The following LRP1 variants were observed in gnomAD, a reference collection of about 807,000 sequenced individuals.
The protein encoded by LRP1 is LDL receptor related protein 1.
In LRP1, 51 loss-of-function variants were observed where a neutral mutation model predicts 541.5. That is an observed-to-expected ratio of 0.09 (90% CI 0.08 to 0.12). LRP1 has a LOEUF of 0.12. Ranked by LOEUF, LRP1 falls within the 10% of genes least tolerant of loss-of-function variation. LRP1 has a pLI of 1.00. For synonymous variants in LRP1, 2,219 were observed against 2,470.8 expected (o/e 0.90, Z 3.02); for missense variants, 3,878 against 6,376.2 (o/e 0.61, Z 13.34).
At chr12:57,134,166 A>G (rs1409277910) in intron 1 of LRP1, among the ~76,000 whole-genome samples, 4 of 152,164 alleles carry the variant, frequency 2.6e-5, no homozygotes, top group Non-Finnish European at 4.4e-5. Context: ...CCAAGTTAGC[A>G]TGGCAGTCAC....
At chr12:57,172,430 A>G (rs1254468813) in intron 20 of LRP1, among the ~76,000 whole-genome samples, 1 of 151,972 alleles carries the variant, frequency 6.6e-6, no homozygotes, top group African/African-American at 2.4e-5. Context: ...TGGCATCCCA[A>G]AGTGCTGGGA....
chr12:57,195,630 G>A, intron 52 of LRP1, 28 bp from the exon 53 acceptor site: 1 of 1,613,962 alleles, frequency 6.2e-7, no homozygotes, highest in Non-Finnish European at 8.5e-7. Flanking sequence ...AGGCAGGGCT[G>A]AAGGGCTGTG....
intron 20 of LRP1, among the ~76,000 whole-genome samples, chr12:57,171,610 A>G (rs1277514457): frequency 6.6e-6 from 1 of 152,154 alleles, no homozygotes; most frequent in East Asian, 1.9e-4. Context: ...AGGTGCTGTG[A>G]TGTAGGAGGT....
rs991564204 is a variant in LRP1 at position 57,156,444 on chromosome 12, C to A, written c.1417+161C>A. On this transcript the variant is annotated intron_variant, in intron 9 of 88. Transcript: ENST00000243077. This position sits in a 1 kb window ranked among gnomAD's most constrained non-coding sequence, Gnocchi z 5.2. ...AGCCACTCGGGCTACCTGCCCTGGC[C>A]CCTCAGCTTCCCCTGCCAGCCCCCA... Among the ~76,000 whole-genome samples, 1 of 152,194 alleles carries A rather than the reference C, an allele frequency of 6.6e-6. No individual in the cohort carries two copies. The highest frequency in any genetic ancestry group is 1.5e-5 in the Non-Finnish European group (1 of 68,030).
chr12:57,209,702 C>T lies in LRP1; in HGVS notation c.12273C>T (p.His4091=), dbSNP rs1299227048. The change falls in exon 80 of 89, where the codon CAC becomes CAT. Residue 4091 remains histidine (H), a synonymous_variant. Transcript: ENST00000243077. Reference sequence around the variant, plus strand: ...CACCTCCTCCCCCAGGCCTAAGTCACCCCTTCAGCATCGACGTCTTTGAGG... The same window carrying T: ...CACCTCCTCCCCCAGGCCTAAGTCATCCCTTCAGCATCGACGTCTTTGAGG... The part of the protein sequence containing the change: ...VAADSKRGLS[H]PFSIDVFEDY... 6.2e-7 allele frequency: 1 copy of T among 1,614,172 alleles called. No individual in the cohort carries two copies. Among genetic ancestry groups the T allele is most frequent in the Non-Finnish European group, 8.5e-7 (1 of 1,180,006 alleles).
intron 1 of LRP1, among the ~76,000 whole-genome samples, chr12:57,134,398 G>A (rs2035109520): frequency 6.6e-6 from 1 of 152,136 alleles, no homozygotes; most frequent in East Asian, 1.9e-4. Flanking sequence ...CCCACTGCCA[G>A]GGCCAGAGAA....
At chr12:57,131,379 GC>G (rs1161976069) in intron 1 of LRP1, among the ~76,000 whole-genome samples, 2 of 152,158 alleles carry the variant, frequency 1.3e-5, no homozygotes, top group African/African-American at 4.8e-5. Context: ...ACTATTGAGG[GC>G]CCTGCTGAGA....
At position 57,204,261 on chromosome 12, in the gene LRP1, A is replaced by C; in HGVS notation, c.10952-149A>C. Reference sequence around the variant, plus strand: ...ATACCAGAGGGGGCAGTTTGGCCCCACCAAGTAGAAATTTAAGAGACCTGG... The same window carrying C: ...ATACCAGAGGGGGCAGTTTGGCCCCCCCAAGTAGAAATTTAAGAGACCTGG... On this transcript the variant is annotated intron_variant, in intron 70 of 88. Transcript: ENST00000243077. The surrounding 1 kb of genome is among the most constrained non-coding windows in gnomAD (Gnocchi z 5.3). 1.0e-6 allele frequency: 1 copy of C among 966,332 alleles called. No homozygotes were observed. 59.9% of individuals were successfully genotyped at this position (966,332 alleles called of 1,614,324 possible). A position where few individuals can be genotyped will look rare whatever the true frequency, so the allele number is the denominator to read the frequency against.
chr12:57,182,688 T>C (rs1239116389), intron 34 of LRP1, among the ~76,000 whole-genome samples: 1 of 151,288 alleles, frequency 6.6e-6, no homozygotes, highest in Non-Finnish European at 1.5e-5. Context: ...TGGTGGTGCA[T>C]GCCTGTAATC....
Position 57,162,562 on chromosome 12 carries a change from G to C in LRP1, c.2404+44G>C, listed in dbSNP as rs775791183. ...GGGCAGCGTGGGACCTGGAAGGGGT[G>C]GTGGGACTTAGGCATTGATTTGAGA... On this transcript the variant is annotated intron_variant, in intron 14 of 88. Coordinates refer to ENST00000243077, the MANE Select transcript of LRP1 (RefSeq NM_002332.3). The surrounding 1 kb of genome is among the most constrained non-coding windows in gnomAD (Gnocchi z 5.2). 28 of 1,605,012 alleles carry C rather than the reference G, an allele frequency of 1.7e-5. No homozygotes were observed. The highest frequency in any genetic ancestry group is 2.2e-5 in the Non-Finnish European group (26 of 1,174,472).
intron 34 of LRP1, among the ~76,000 whole-genome samples, chr12:57,182,347 C>T (rs1763525336): frequency 6.6e-6 from 1 of 151,882 alleles, no homozygotes; most frequent in Non-Finnish European, 1.5e-5. Context: ...TCCGTCTCTA[C>T]TAAAACCACA....
At position 57,201,515 on chromosome 12, in the gene LRP1, C is replaced by T. The variant is rs762564374; in HGVS notation, c.10364C>T (p.Pro3455Leu). The T allele has an allele frequency of 1.9e-6, 3 of 1,613,692 alleles. No homozygotes were observed. The African/African-American group carries it at 4.0e-5, about 22-fold the overall frequency. Reference protein sequence around the residue: ...ERDCPEVTCAPNQFQCSITKR... With the variant: ...ERDCPEVTCALNQFQCSITKR... Reference sequence around the variant, plus strand: ...CCCACAGCCGAGGTGACCTGCGCCCCCAACCAGTTCCAGTGCTCCATTACC... The same window carrying T: ...CCCACAGCCGAGGTGACCTGCGCCCTCAACCAGTTCCAGTGCTCCATTACC... The change falls in exon 66 of 89, where the codon CCC (proline) becomes CTC (leucine). Residue 3455 changes from proline (P) to leucine (L), a missense_variant. Pro to Leu is a moderately conservative substitution (Grantham distance 98). Transcript: ENST00000243077. This position sits in a 1 kb window ranked among gnomAD's most constrained non-coding sequence, Gnocchi z 6.4.
chr12:57,167,622 C>A, intron 19 of LRP1, 98 bp downstream of exon 19: 1 of 965,452 alleles, frequency 1.0e-6, no homozygotes, highest in Non-Finnish European at 1.6e-6. Context: ...TCCAGCAGGG[C>A]CTCCCTCCAG....
chr12:57,206,116 A>G lies in LRP1; in HGVS notation c.11591-357A>G, dbSNP rs957999083. On this transcript the variant is annotated intron_variant, in intron 75 of 88. Transcript: ENST00000243077. This position sits in a 1 kb window ranked among gnomAD's most constrained non-coding sequence, Gnocchi z 4.7. ...CACACCCTCGTGCTCCATGCCAAGC[A>G]CACACACCCCATGTGCCTATGCACC... Among the ~76,000 whole-genome samples the G allele has an allele frequency of 9.9e-5, 15 of 152,206 alleles. No homozygotes were observed. Among genetic ancestry groups the G allele is most frequent in the Admixed American group, 4.6e-4 (7 of 15,286 alleles).
chr12:57,209,354 C>G (rs891596781), intron 79 of LRP1, among the ~76,000 whole-genome samples, 155 bp downstream of exon 79: 1 of 152,278 alleles, frequency 6.6e-6, no homozygotes, highest in Non-Finnish European at 1.5e-5. Flanking sequence ...CTGGCCTCCC[C>G]CTGAACCAGC....
rs530136603 is a variant in LRP1 at position 57,174,088 on chromosome 12, G to A, written c.3547+108G>A. The A allele has an allele frequency of 2.5e-4, 298 of 1,169,292 alleles. No individual in the cohort carries two copies. The African/African-American group carries it at 3.4e-3, about 13-fold the overall frequency. The allele number at this position is 1,169,292 out of a possible 1,614,324, so 72.4% of individuals were successfully genotyped here. ...CTAGGAGAGAGCAGCTCTGGCAGCC[G>A]GGCAGGCGAGCAGCACCCAGAGTGG... On this transcript the variant is annotated intron_variant, in intron 22 of 88. Coordinates refer to ENST00000243077, the MANE Select transcript of LRP1 (RefSeq NM_002332.3).
In LRP1 at chr12:57,154,147, G is replaced by A; in HGVS notation, c.842-61G>A. 1 of 1,519,796 alleles carries A rather than the reference G, an allele frequency of 6.6e-7. No individual in the cohort carries two copies. The highest frequency in any genetic ancestry group is 1.2e-5 in the South Asian group (1 of 83,054). 94.1% of individuals were successfully genotyped at this position (1,519,796 alleles called of 1,614,324 possible). Reference sequence around the variant, plus strand: ...CAGGTGTGGGTTCTCACCAGCAAAGGGTGGGCATCTCTGCAAGAGGGCCTA... The same window carrying A: ...CAGGTGTGGGTTCTCACCAGCAAAGAGTGGGCATCTCTGCAAGAGGGCCTA... On this transcript the variant is annotated intron_variant, in intron 6 of 88. Transcript: ENST00000243077. The surrounding 1 kb of genome is among the most constrained non-coding windows in gnomAD (Gnocchi z 4.6).
rs1209035672 is a variant in LRP1, at chr12:57,179,884, A to G, written c.5069A>G (p.Asp1690Gly). The change falls in exon 30 of 89, where the codon GAT (aspartate) becomes GGT (glycine). Residue 1690 changes from aspartate to glycine, a missense_variant. Asp to Gly is a moderately conservative substitution (Grantham distance 94, BLOSUM62 -1). This residue lies in a region of LRP1 where 394 missense variants were observed against 635.9 expected (regional missense o/e 0.62). Coordinates refer to ENST00000243077, the MANE Select transcript of LRP1 (RefSeq NM_002332.3). The surrounding 1 kb of genome is among the most constrained non-coding windows in gnomAD (Gnocchi z 6.8). ...AAGCAGATCAATGTGGCCCGGCTGG[A>G]TGGCTCCTTCAAGAACGCAGTGGTG... ...NKKQINVARL[D>G]GSFKNAVVQG... 1.2e-6 allele frequency: 2 copies of G among 1,614,110 alleles called. No individual in the cohort carries two copies. The highest frequency in any genetic ancestry group is 1.7e-5 in the Admixed American group (1 of 60,018).
rs1414626991 is a variant in LRP1, at chr12:57,180,338, A to G, written c.5245A>G (p.Ile1749Val). 29 of 1,613,836 alleles carry G rather than the reference A, an allele frequency of 1.8e-5. No individual in the cohort carries two copies. The Admixed American group carries it at 2.8e-4, about 16-fold the overall frequency. ...GACTCCCCCTTTTCCAGGCCTGGCT[A>G]TTGACTTCCCTGAAAGCAAACTCTA... ...SGQKGPVGLAIDFPESKLYWI... is the reference protein window; with the variant it reads ...SGQKGPVGLAVDFPESKLYWI... The change falls in exon 32 of 89, where the codon ATT (isoleucine) becomes GTT (valine). Residue 1749 changes from isoleucine (I) to valine (V), a missense_variant. By Grantham distance (29) the Ile-to-Val change is conservative. Around this residue, in one of 13 missense-constraint regions of LRP1, gnomAD observed 394 missense variants for 635.9 expected, o/e 0.62. Transcript: ENST00000243077.
Sources: gnomAD v4.1 joint callset for allele counts (sites outside exome capture counted in the v4.1 genomes callset) on GRCh38, gnomAD v4.1.1 for gene constraint, gnomAD v4.1.1 regional missense constraint, Gnocchi (gnomAD v3.1) non-coding constraint, MANE v1.5 for transcripts, NCBI Gene and HGNC (gene_info 2026-07-23, HGNC 2026-07-21) for gene names.